Variants in CRB2 observed in about 807,000 individuals in gnomAD.
The protein encoded by CRB2 is protein crumbs homolog 2.
A neutral mutation model predicts 110.9 loss-of-function variants in CRB2; 85 were observed. The ratio of observed to expected loss-of-function variants is 0.77; its 90% CI spans 0.64 to 0.92. CRB2 has a LOEUF of 0.92. CRB2 is among the 40% of genes least tolerant of loss of function. CRB2 has a pLI of 0.00. For missense variants in CRB2, 1,843 were observed against 1,851.3 expected, an observed-to-expected ratio of 1.00 and a Z score of 0.08; for synonymous variants, 907 against 831.0, an observed-to-expected ratio of 1.09 and a Z score of -1.57.
At chr9:123,363,256 C>A in intron 2 of CRB2, 68 bp downstream of exon 2, 1 of 1,468,782 alleles carries the variant, frequency 6.8e-7, no homozygotes, top group Non-Finnish European at 9.1e-7. Context: ...AGAGTGTAAG[C>A]ATCATGGCTT....
Position 123,373,510 on chromosome 9 carries a change from G to A in CRB2, c.2979G>A (p.Leu993=). 6.8e-7 allele frequency: 1 copy of A among 1,473,034 alleles called. No individual in the cohort carries two copies. Among genetic ancestry groups the A allele is most frequent in the Non-Finnish European group, 8.9e-7 (1 of 1,120,296 alleles). 91.2% of individuals were successfully genotyped at this position (1,473,034 alleles called of 1,614,324 possible). The change falls in exon 10 of 13, where the codon CTG becomes CTA. Residue 993 remains leucine, a synonymous_variant. Coordinates refer to ENST00000373631, the MANE Select transcript of CRB2 (RefSeq NM_173689.7). ...CGCTGCGCGGCCTGGCCAGTGACCT[G>A]GGCTTCCTGCAGGGCCCGGGTGCTG... ...PVALRGLASD[L]GFLQGPGAVR...
Position 123,368,858 on chromosome 9 carries a change from C to T in CRB2, c.1054+1172C>T, listed in dbSNP as rs556386312. ...CTCCCCACTTCCCCAGCCTCAGTGC[C>T]CGCCCACCACTCTCAACCTGTCTGG... is the stretch of plus-strand genomic sequence containing the variant. On this transcript the variant is annotated intron_variant, in intron 6 of 12. Transcript: ENST00000373631. 4.8e-6 allele frequency: 6 copies of T among 1,261,972 alleles called. No individual in the cohort carries two copies. The South Asian group carries it at 6.4e-5, about 13-fold the overall frequency. 78.2% of individuals were successfully genotyped at this position (1,261,972 alleles called of 1,614,324 possible).
chr9:123,373,546 G>C lies in CRB2; in HGVS notation c.3015G>C (p.Leu1005=), dbSNP rs373621441. ...FLQGPGAVRI[L]LAENFTGCLG... ...AGGGCCCGGGTGCTGTGCGCATCCT[G>C]CTGGCTGAGAACTTCACCGGCTGCT... is the stretch of plus-strand genomic sequence containing the variant. The change falls in exon 10 of 13, where the codon CTG becomes CTC. Residue 1005 remains leucine (L), a synonymous_variant. Transcript: ENST00000373631. 6.7e-7 allele frequency: 1 copy of C among 1,487,174 alleles called. No homozygotes were observed. The highest frequency in any genetic ancestry group is 8.9e-7 in the Non-Finnish European group (1 of 1,123,640). 92.1% of individuals were successfully genotyped at this position (1,487,174 alleles called of 1,614,324 possible). A position where few individuals can be genotyped will look rare whatever the true frequency, so the allele number is the denominator to read the frequency against.
rs1262835495 is a variant in CRB2, at chr9:123,377,692, G to A, written c.*630G>A. Reference sequence around the variant, plus strand: ...CTAGCAGAGGCTGAGTGGGCTTCTGGCTCCTAGAACAAATGTCCCTTCAGG... The same window carrying A: ...CTAGCAGAGGCTGAGTGGGCTTCTGACTCCTAGAACAAATGTCCCTTCAGG... On this transcript the variant is annotated 3_prime_UTR_variant, in exon 13 of 13. Transcript: ENST00000373631. 1 of 152,232 alleles carries A rather than the reference G, an allele frequency of 6.6e-6. No homozygotes were observed. Among genetic ancestry groups the A allele is most frequent in the African/African-American group, 2.4e-5 (1 of 41,452 alleles). 9.4% of individuals were successfully genotyped at this position (152,232 alleles called of 1,614,324 possible). A position where few individuals can be genotyped will look rare whatever the true frequency, so the allele number is the denominator to read the frequency against.
In CRB2 at chr9:123,370,221, G is replaced by A; in HGVS notation, c.1168G>A (p.Gly390Arg). 1 of 1,613,192 alleles carries A rather than the reference G, an allele frequency of 6.2e-7. No individual in the cohort carries two copies. The highest frequency in any genetic ancestry group is 1.1e-5 in the South Asian group (1 of 91,090). ...CTGCAGGTGCCCAGAGACCTGGGGT[G>A]GGCGCGACTGTTCTGTGCAGCTCAC... ...YICRCPETWG[G>R]RDCSVQLTGC... The change falls in exon 7 of 13, where the codon GGG becomes AGG. Residue 390 changes from glycine to arginine, a missense_variant. Transcript: ENST00000373631.
intron 12 of CRB2, 43 bp downstream of exon 12, chr9:123,375,386 G>C (rs1255563751): frequency 6.5e-7 from 1 of 1,537,910 alleles, no homozygotes; most frequent in Non-Finnish European, 8.8e-7. Flanking sequence ...GTGGCCTGCT[G>C]GGCCCTTGGC....
At chr9:123,363,290 C>A in intron 2 of CRB2, 102 bp downstream of exon 2, 1 of 1,247,032 alleles carries the variant, frequency 8.0e-7, no homozygotes, top group Non-Finnish European at 1.1e-6. Context: ...CGTGTAGGGA[C>A]GCCCCCAGGC....
At chr9:123,356,906 G>T (rs1189059749) in intron 1 of CRB2, among the ~76,000 whole-genome samples, 1 of 152,046 alleles carries the variant, frequency 6.6e-6, no homozygotes, top group Non-Finnish European at 1.5e-5. Context: ...TGGGGTGTAG[G>T]TTGTCCAGGG....
At position 123,363,204 on chromosome 9, in the gene CRB2, GC is replaced by G; in HGVS notation, c.418+19del. 1 of 1,582,828 alleles carries G rather than the reference GC, an allele frequency of 6.3e-7. No individual in the cohort carries two copies. ...GGCTATGCAGGTAACAGCCTGGGCCGCCCTGGGAGGAGGTCTGTAATGCAGA... is the reference window on the plus strand; with the variant it reads ...GGCTATGCAGGTAACAGCCTGGGCCGCCTGGGAGGAGGTCTGTAATGCAGA... On this transcript the variant is annotated intron_variant, in intron 2 of 12. Transcript: ENST00000373631.
chr9:123,372,114 C>T, intron 8 of CRB2, 63 bp from the exon 9 acceptor site: 15 of 1,528,104 alleles, frequency 9.8e-6, no homozygotes, highest in Non-Finnish European at 1.3e-5. Context: ...CACTGCAATG[C>T]CAGTTATGGT....
chr9:123,359,553 A>G (rs1588202817), intron 1 of CRB2, among the ~76,000 whole-genome samples: 2 of 148,214 alleles, frequency 1.3e-5, no homozygotes, highest in East Asian at 2.0e-4. Flanking sequence ...GGCTCAAGCC[A>G]TCCTCCCACC....
At chr9:123,374,925 G>A (rs1252404809) in intron 11 of CRB2, among the ~76,000 whole-genome samples, 6 of 152,196 alleles carry the variant, frequency 3.9e-5, no homozygotes, top group Non-Finnish European at 7.3e-5. Context: ...GCCTCAGCCC[G>A]CCTGTGGGAG....
rs1588209110 is a variant in CRB2 at position 123,366,304 on chromosome 9, C to T, written c.692C>T (p.Pro231Leu). ...EREVLECASA[P>L]CEHNASCLEG... ...GAGGTGCTGGAGTGCGCATCGGCGC[C>T]CTGCGAGCACAACGCGTCCTGCCTC... The change falls in exon 4 of 13, where the codon CCC (proline) becomes CTC (leucine). Residue 231 changes from proline to leucine, a missense_variant. Pro to Leu is a moderately conservative substitution (Grantham distance 98). Transcript: ENST00000373631. 2 of 1,528,618 alleles carry T rather than the reference C, an allele frequency of 1.3e-6. No individual in the cohort carries two copies. The highest frequency in any genetic ancestry group is 2.1e-4 in the Middle Eastern group (1 of 4,764). The allele number at this position is 1,528,618 out of a possible 1,614,324, so 94.7% of individuals were successfully genotyped here. A position where few individuals can be genotyped will look rare whatever the true frequency, so the allele number is the denominator to read the frequency against.
At position 123,370,829 on chromosome 9, in the gene CRB2, T is replaced by G. The variant is rs1322565709; in HGVS notation, c.1776T>G (p.Pro592=). Residue 592 remains proline (P), a synonymous_variant, in exon 7 of 13, where the codon CCT becomes CCG. Transcript: ENST00000373631. ...DVRVDGHLLL[P]EDLGENVLLG... The stretch of plus-strand genomic sequence containing the variant: ...GTGTGGATGGCCACCTCCTGCTGCC[T>G]GAGGATCTCGGTGAGAACGTCCTCC... 6.2e-7 allele frequency: 1 copy of G among 1,605,912 alleles called. No homozygotes were observed. The highest frequency in any genetic ancestry group is 2.2e-5 in the East Asian group (1 of 44,858).
rs1662833371 is a variant in CRB2, at chr9:123,377,365, GGAGT to G, written c.*305_*308del. 1.1e-5 allele frequency: 4 copies of G among 353,196 alleles called. No homozygotes were observed. The South Asian group carries it at 2.6e-4, about 23-fold the overall frequency. 21.9% of individuals were successfully genotyped at this position (353,196 alleles called of 1,614,324 possible). Reference sequence around the variant, plus strand: ...GTGTTCAGGAGTGTGTGTATCTGGAGGAGTGTGTGTGTGAGTGTGTACCTGGGCC... The same window carrying G: ...GTGTTCAGGAGTGTGTGTATCTGGAGGTGTGTGTGAGTGTGTACCTGGGCC... On this transcript the variant is annotated 3_prime_UTR_variant, in exon 13 of 13. Transcript: ENST00000373631.
rs748578889 is a variant in CRB2, at chr9:123,366,299, G to A, written c.687G>A (p.Ser229=). ...HCEREVLECA[S]APCEHNASCL... The stretch of plus-strand genomic sequence containing the variant: ...AGCGGGAGGTGCTGGAGTGCGCATC[G>A]GCGCCCTGCGAGCACAACGCGTCCT... The change falls in exon 4 of 13, where the codon TCG becomes TCA. Residue 229 remains serine (S), a synonymous_variant. Coordinates refer to ENST00000373631, the MANE Select transcript of CRB2 (RefSeq NM_173689.7). The A allele has an allele frequency of 3.3e-6, 5 of 1,523,336 alleles. No individual in the cohort carries two copies. The highest frequency in any genetic ancestry group is 4.4e-6 in the Non-Finnish European group (5 of 1,148,478). The allele number at this position is 1,523,336 out of a possible 1,614,324, so 94.4% of individuals were successfully genotyped here.
chr9:123,356,434 G>C lies in CRB2; in HGVS notation c.94+80G>C. On this transcript the variant is annotated intron_variant, in intron 1 of 12. Coordinates refer to ENST00000373631, the MANE Select transcript of CRB2 (RefSeq NM_173689.7). ...AGATACCCCAAGCCTTGGCTGCTGGGGTGGTGGGTGGGCTGGTCCGCGTGG... is the reference window on the plus strand; with the variant it reads ...AGATACCCCAAGCCTTGGCTGCTGGCGTGGTGGGTGGGCTGGTCCGCGTGG... 3 of 1,193,444 alleles carry C rather than the reference G, an allele frequency of 2.5e-6. No homozygotes were observed. The East Asian group carries it at 8.0e-5, about 32-fold the overall frequency. The allele number at this position is 1,193,444 out of a possible 1,614,324, so 73.9% of individuals were successfully genotyped here.
At position 123,370,102 on chromosome 9, in the gene CRB2, C is replaced by T. The variant is rs1232786185; in HGVS notation, c.1055-6C>T. The T allele has an allele frequency of 1.3e-6, 2 of 1,573,140 alleles. No homozygotes were observed. The highest frequency in any genetic ancestry group is 2.2e-5 in the East Asian group (1 of 44,506). ...TTACTGAACCTTGGCTTTGTCTCTC[C>T]CAAAGGGCCGACATGTGAGGAAGAT... is the stretch of plus-strand genomic sequence containing the variant. On this transcript the variant is annotated splice_polypyrimidine_tract_variant and splice_region_variant and intron_variant, in intron 6 of 12. Transcript: ENST00000373631.
chr9:123,359,904 A>G (rs1433780903), intron 1 of CRB2, among the ~76,000 whole-genome samples: 1 of 152,068 alleles, frequency 6.6e-6, no homozygotes, highest in Non-Finnish European at 1.5e-5. Context: ...TGCTCTGCCC[A>G]GGCTGATATT....
Sources: gnomAD v4.1 joint callset for allele counts (sites outside exome capture counted in the v4.1 genomes callset) on GRCh38, gnomAD v4.1.1 for gene constraint, MANE v1.5 for transcripts, NCBI Gene and HGNC (gene_info 2026-07-23, HGNC 2026-07-21) for gene names.